The following RASA1 variants were observed in gnomAD, a reference collection of about 807,000 sequenced individuals.
The protein encoded by RASA1 is ras GTPase-activating protein 1.
In RASA1, 25 loss-of-function variants were observed where a neutral mutation model predicts 132.2. That is an observed-to-expected ratio of 0.19 (90% confidence interval 0.14 to 0.26). The LOEUF (loss-of-function observed/expected upper bound fraction) is 0.26. Among genes scored for constraint, RASA1 ranks in the 10% least tolerant of loss-of-function variants. The probability of loss-of-function intolerance (pLI) is 1.00; values close to 1 mark genes in which losing one functional copy is unlikely to be tolerated. For synonymous variants in RASA1, 477 were observed against 449.9 expected (o/e 1.06, Z -0.76); for missense variants, 964 against 1,299.2 (o/e 0.74, Z 3.97).
chr5:87,353,272 T>G, intron 9 of RASA1, 37 bp downstream of exon 9: 2 of 1,507,636 alleles, frequency 1.3e-6, no homozygotes, highest in Non-Finnish European at 1.8e-6. Context: ...AATTAGCATT[T>G]TATTTTAAAA....
intron 18 of RASA1, 46 bp downstream of exon 18, chr5:87,378,584 T>G (rs1211093883): frequency 2.6e-6 from 4 of 1,526,708 alleles, no homozygotes; most frequent in African/African-American, 1.4e-5. Flanking sequence ...AGAACATATT[T>G]TAATAGGTAA....
intron 14 of RASA1, 71 bp downstream of exon 14, chr5:87,374,391 C>G (rs1192909261): frequency 4.3e-6 from 6 of 1,397,380 alleles, no homozygotes; most frequent in East Asian, 2.7e-5. Context: ...TTTTTTTGGT[C>G]TCTGTATCTA....
At position 87,267,933 on chromosome 5, in the gene RASA1, C is replaced by A; in HGVS notation, c.-519C>A. ...GCAGTTCAGTCGATTTCCTCGTTACCCCGCCCCCCTTTCTCTTGCCCCCCC... is the reference window on the plus strand; with the variant it reads ...GCAGTTCAGTCGATTTCCTCGTTACACCGCCCCCCTTTCTCTTGCCCCCCC... On this transcript the variant is annotated 5_prime_UTR_variant, in exon 1 of 25. Transcript: ENST00000274376. The A allele has an allele frequency of 2.6e-6, 1 of 392,004 alleles. No individual in the cohort carries two copies. The highest frequency in any genetic ancestry group is 4.5e-6 in the Non-Finnish European group (1 of 223,702). The allele number at this position is 392,004 out of a possible 1,614,324, so 24.3% of individuals were successfully genotyped here. A position where few individuals can be genotyped will look rare whatever the true frequency, so the allele number is the denominator to read the frequency against.
chr5:87,377,210 G>A, intron 17 of RASA1, 170 bp downstream of exon 17: 2 of 808,106 alleles, frequency 2.5e-6, no homozygotes, highest in South Asian at 3.3e-5. Context: ...TGATTATGTT[G>A]GTTACTATGG....
intron 24 of RASA1, 89 bp from the exon 25 acceptor site, chr5:87,390,711 T>C: frequency 9.4e-7 from 1 of 1,063,608 alleles, no homozygotes; most frequent in Non-Finnish European, 1.4e-6. Context: ...TCCTTTTGCT[T>C]TGATACAGTT....
At chr5:87,279,932 T>C (rs1754238481) in intron 1 of RASA1, among the ~76,000 whole-genome samples, 1 of 152,208 alleles carries the variant, frequency 6.6e-6, no homozygotes, top group African/African-American at 2.4e-5. Flanking sequence ...CCAGGAAAGC[T>C]GACAGTCTGA....
chr5:87,299,463 T>C (rs1755263246), intron 1 of RASA1, among the ~76,000 whole-genome samples: 1 of 152,218 alleles, frequency 6.6e-6, no homozygotes, highest in Non-Finnish European at 1.5e-5. Flanking sequence ...GATGCAGATG[T>C]TTTATAGTTA....
chr5:87,335,425 T>G (rs941696368), intron 4 of RASA1, among the ~76,000 whole-genome samples: 1 of 141,962 alleles, frequency 7.0e-6, no homozygotes, highest in African/African-American at 2.6e-5. Context: ...TGAGGTTTTT[T>G]TTTTTTTTTT....
intron 18 of RASA1, among the ~76,000 whole-genome samples, chr5:87,378,871 A>G (rs1323437346): frequency 1.3e-5 from 2 of 152,208 alleles, no homozygotes; most frequent in African/African-American, 4.8e-5. Context: ...CTCATTATAT[A>G]ACCTATGTAG....
intron 11 of RASA1, among the ~76,000 whole-genome samples, chr5:87,365,599 T>C (rs1385539345): frequency 6.6e-6 from 1 of 152,140 alleles, no homozygotes; most frequent in Non-Finnish European, 1.5e-5. Flanking sequence ...ATTTTTCATT[T>C]TTACTACTTT....
At position 87,391,528 on chromosome 5, in the gene RASA1, T is replaced by G. The variant is rs1420895938; in HGVS notation, c.*645T>G. 4.2e-6 allele frequency: 1 copy of G among 237,762 alleles called. No individual in the cohort carries two copies. Among genetic ancestry groups the G allele is most frequent in the Non-Finnish European group, 8.3e-6 (1 of 120,288 alleles). The allele number at this position is 237,762 out of a possible 1,614,324, so 14.7% of individuals were successfully genotyped here. On this transcript the variant is annotated 3_prime_UTR_variant, in exon 25 of 25. Transcript: ENST00000274376. ...CAGCTTTATTTTTTAAACATACGAC[T>G]TATTTTGTTGAAATTGTCAAAGACT...
intron 8 of RASA1, among the ~76,000 whole-genome samples, chr5:87,352,229 G>T (rs1251645216): frequency 2.0e-5 from 3 of 151,272 alleles, no homozygotes; most frequent in African/African-American, 7.3e-5. Context: ...AGGTCCTTTT[G>T]TTTTGGTTTT....
chr5:87,357,613 G>A (rs1460247783), intron 9 of RASA1, among the ~76,000 whole-genome samples: 1 of 152,152 alleles, frequency 6.6e-6, no homozygotes, highest in East Asian at 1.9e-4. Context: ...GCTGAGGCAG[G>A]AGAATCGCTT....
chr5:87,375,153 T>C lies in RASA1; in HGVS notation c.2011+237T>C, dbSNP rs10067098. Among the ~76,000 whole-genome samples the C allele has an allele frequency of 0.46, 69,469 of 152,004 alleles. 15,838 individuals carry two copies. Among genetic ancestry groups the C allele is most frequent in the Middle Eastern group, 0.54 (159 of 294 alleles). ...TGTTAAGCAATTAAGATTAAAATAT[T>C]TAGCCACCCTCCTTTCTCCAATGAA... is the stretch of plus-strand genomic sequence containing the variant. On this transcript the variant is annotated intron_variant, in intron 15 of 24. Coordinates refer to ENST00000274376, the MANE Select transcript of RASA1 (RefSeq NM_002890.3).
chr5:87,275,805 G>A (rs548494240), intron 1 of RASA1, among the ~76,000 whole-genome samples: 2 of 152,212 alleles, frequency 1.3e-5, no homozygotes, highest in Admixed American at 6.5e-5. Context: ...TCCTGACCTC[G>A]TGATCTGCCA....
chr5:87,335,523 T>A lies in RASA1; in HGVS notation c.899+2186T>A, dbSNP rs953581792. 2.0e-5 allele frequency among the ~76,000 whole-genome samples: 3 copies of A among 149,364 alleles called. No homozygotes were observed. The Admixed American group carries it at 2.0e-4, about 10-fold the overall frequency. ...TCACTGCAACCTCCGCCACCTGGGTTCAAGCGATTCTCCTGCCTCAGCCTC... is the reference window on the plus strand; with the variant it reads ...TCACTGCAACCTCCGCCACCTGGGTACAAGCGATTCTCCTGCCTCAGCCTC... On this transcript the variant is annotated intron_variant, in intron 4 of 24. Transcript: ENST00000274376.
rs1288921265 is a variant in RASA1, at chr5:87,374,906, T to C, written c.2001T>C (p.Asp667=). ...GTAATAAAACAAAGAAAAGCAAAGA[T>C]CCTGATATCTGTAAGTTGATACAGA... ...TLSNKTKKSK[D]PDILFMRCQL... Residue 667 remains aspartate (D), a synonymous_variant, in exon 15 of 25, where the codon GAT becomes GAC. Transcript: ENST00000274376. 6.2e-7 allele frequency: 1 copy of C among 1,607,238 alleles called. No individual in the cohort carries two copies. Among genetic ancestry groups the C allele is most frequent in the East Asian group, 2.2e-5 (1 of 44,582 alleles).
chr5:87,300,749 T>A (rs1755324647), intron 1 of RASA1, among the ~76,000 whole-genome samples: 1 of 152,212 alleles, frequency 6.6e-6, no homozygotes, highest in African/African-American at 2.4e-5. Flanking sequence ...AATATTCAGA[T>A]TTTTTGTTAT....
intron 1 of RASA1, among the ~76,000 whole-genome samples, chr5:87,287,436 A>G (rs1754670881): frequency 6.8e-6 from 1 of 148,142 alleles, no homozygotes; most frequent in Non-Finnish European, 1.5e-5. Flanking sequence ...TACACACCAT[A>G]TATATACACC....
Sources: gnomAD v4.1 joint callset for allele counts (sites outside exome capture counted in the v4.1 genomes callset) on GRCh38, gnomAD v4.1.1 for gene constraint, MANE v1.5 for transcripts, NCBI Gene and HGNC (gene_info 2026-07-23, HGNC 2026-07-21) for gene names.